The following KIF13A variants were observed in gnomAD, a reference collection of about 807,000 sequenced individuals.
The protein encoded by KIF13A is kinesin family member 13A, also known as kinesin-like protein KIF13A.
Under a neutral mutation model 212.2 loss-of-function variants are expected in KIF13A, and 79 were observed. The ratio of observed to expected loss-of-function variants is 0.37; its 90% CI spans 0.31 to 0.45. KIF13A has a LOEUF of 0.45. Ranked by LOEUF, KIF13A falls within the 20% of genes least tolerant of loss-of-function variation. The pLI is 1.00. For synonymous variants in KIF13A, 789 were observed against 808.6 expected (o/e 0.98, Z 0.41); for missense variants, 1,901 against 2,209.0 (o/e 0.86, Z 2.79).
At chr6:17,858,298 A>T (rs1452150985) in intron 4 of KIF13A, among the ~76,000 whole-genome samples, 1 of 152,238 alleles carries the variant, frequency 6.6e-6, no homozygotes, top group East Asian at 1.9e-4. Flanking sequence ...TGGATTTTTT[A>T]AAATGGGTGT....
chr6:17,951,168 T>G lies in KIF13A; in HGVS notation c.146+35886A>C, dbSNP rs1777813240. On this transcript the variant is annotated intron_variant, in intron 2 of 38. Transcript: ENST00000259711. This position sits in a 1 kb window ranked among gnomAD's most constrained non-coding sequence, Gnocchi z 4.9. ...CTCACGCCACTTTAATTTTTTATTT[T>G]TTTGAAGACAGGGTCTGGCTCTGTC... 8.1e-7 allele frequency: 1 copy of G among 1,238,890 alleles called. No homozygotes were observed. Among genetic ancestry groups the G allele is most frequent in the Non-Finnish European group, 1.0e-6 (1 of 990,384 alleles). 76.7% of individuals were successfully genotyped at this position (1,238,890 alleles called of 1,614,324 possible). A position where few individuals can be genotyped will look rare whatever the true frequency, so the allele number is the denominator to read the frequency against.
chr6:17,885,650 C>A (rs947933684), intron 3 of KIF13A, among the ~76,000 whole-genome samples: 7 of 152,320 alleles, frequency 4.6e-5, no homozygotes, highest in African/African-American at 1.7e-4. Flanking sequence ...CTACAAAGAG[C>A]TAATTCATGC....
Position 17,860,584 on chromosome 6 carries a change from A to T in KIF13A, c.221-4462T>A, listed in dbSNP as rs137872091. On this transcript the variant is annotated intron_variant, in intron 4 of 38. Transcript: ENST00000259711. ...TGCCTGGCACACAATAGGCATCTGT[A>T]TTCACTGAATTATTCCTGTGTTGAT... 3.5e-3 allele frequency among the ~76,000 whole-genome samples: 529 copies of T among 152,214 alleles called. 1 individual carries two copies. The highest frequency in any genetic ancestry group is 0.014 in the Middle Eastern group (4 of 294).
intron 18 of KIF13A, 39 bp downstream of exon 18, chr6:17,808,729 A>ATAT (rs1763187991): frequency 1.3e-6 from 2 of 1,581,808 alleles, no homozygotes; most frequent in Admixed American, 3.5e-5. Flanking sequence ...AATATTTACT[A>ATAT]TTGTGCATCT....
chr6:17,863,587 C>T (rs561486984), intron 4 of KIF13A, among the ~76,000 whole-genome samples: 10 of 151,870 alleles, frequency 6.6e-5, no homozygotes, highest in South Asian at 2.1e-4. Flanking sequence ...GGAAAAAGAA[C>T]GATAAAAAAG....
In KIF13A at chr6:17,964,442, AATATAT is replaced by A. The variant is rs374114406; in HGVS notation, c.146+22606_146+22611del. Among the ~76,000 whole-genome samples, 6 of 151,126 alleles carry A rather than the reference AATATAT, an allele frequency of 4.0e-5. No individual in the cohort carries two copies. The East Asian group carries it at 9.6e-4, about 24-fold the overall frequency. On this transcript the variant is annotated intron_variant, in intron 2 of 38. Transcript: ENST00000259711. ...TGTACTTTATTCTCTATTGCCCTCA[AATATAT>A]ATATATATTTAGAAAGCAAAAATTA...
intron 4 of KIF13A, among the ~76,000 whole-genome samples, chr6:17,860,138 G>C (rs1344165513): frequency 2.0e-5 from 3 of 151,972 alleles, no homozygotes; most frequent in Non-Finnish European, 4.4e-5. Flanking sequence ...TCTCACCTCT[G>C]GTCTCCAGGA....
chr6:17,771,923 A>G lies in KIF13A; in HGVS notation c.4461T>C (p.Pro1487=). ...HKKRIALEAR[P]LLSQESMPPP... ...AAGCATTTACCTCCTGGCTTAGAAG[A>G]GGCCTTGCTTCCAGGGCTATCCTTT... Residue 1487 remains proline, a synonymous_variant, in exon 37 of 39, where the codon CCT becomes CCC. Coordinates refer to ENST00000259711, the MANE Select transcript of KIF13A (RefSeq NM_022113.6). This position sits in a 1 kb window ranked among gnomAD's most constrained non-coding sequence, Gnocchi z 5.4. The G allele has an allele frequency of 1.2e-6, 2 of 1,614,002 alleles. No homozygotes were observed. Among genetic ancestry groups the G allele is most frequent in the South Asian group, 1.1e-5 (1 of 91,086 alleles).
At chr6:17,969,725 A>G (rs544018971) in intron 2 of KIF13A, among the ~76,000 whole-genome samples, 30 of 152,312 alleles carry the variant, frequency 2.0e-4, no homozygotes, top group Admixed American at 7.8e-4. Context: ...CATCCCTTAC[A>G]TGAATATATT....
chr6:17,909,214 A>G (rs1317112375), intron 2 of KIF13A, among the ~76,000 whole-genome samples: 1 of 152,238 alleles, frequency 6.6e-6, no homozygotes, highest in Admixed American at 6.5e-5. Flanking sequence ...GACAGAACTT[A>G]TAAAACAGGG....
intron 2 of KIF13A, among the ~76,000 whole-genome samples, chr6:17,983,580 T>C (rs539808519): frequency 6.7e-6 from 1 of 148,202 alleles, no homozygotes; most frequent in East Asian, 2.2e-4. Context: ...GCAACCTCCA[T>C]CGCCAAGGCT....
chr6:17,821,227 C>T (rs1764404687), intron 16 of KIF13A, among the ~76,000 whole-genome samples: 1 of 152,112 alleles, frequency 6.6e-6, no homozygotes, highest in Non-Finnish European at 1.5e-5. Context: ...TTGTCTGATT[C>T]CTATTTCAAA....
intron 20 of KIF13A, among the ~76,000 whole-genome samples, chr6:17,801,682 A>G (rs1003375220): frequency 7.9e-5 from 12 of 152,150 alleles, no homozygotes; most frequent in Non-Finnish European, 2.9e-5. Flanking sequence ...AGCAAACCAA[A>G]TTGACAAGGT....
intron 2 of KIF13A, chr6:17,950,596 T>A (rs1777763663): frequency 1.0e-6 from 1 of 985,038 alleles, no homozygotes; most frequent in Admixed American, 6.2e-5. Flanking sequence ...AAGCATTATT[T>A]ATCCAACAGC....
In KIF13A at chr6:17,771,670, A is replaced by G; in HGVS notation, c.4476+238T>C. 2.3e-6 allele frequency: 1 copy of G among 427,628 alleles called. No homozygotes were observed. The highest frequency in any genetic ancestry group is 4.2e-6 in the Non-Finnish European group (1 of 240,772). The allele number at this position is 427,628 out of a possible 1,614,324, so 26.5% of individuals were successfully genotyped here. A position where few individuals can be genotyped will look rare whatever the true frequency, so the allele number is the denominator to read the frequency against. Reference sequence around the variant, plus strand: ...AGAAAACATCTTTCTCACTTGAAACATAAAAAAATACTTTGAAAAGCCATA... The same window carrying G: ...AGAAAACATCTTTCTCACTTGAAACGTAAAAAAATACTTTGAAAAGCCATA... On this transcript the variant is annotated intron_variant, in intron 37 of 38. Coordinates refer to ENST00000259711, the MANE Select transcript of KIF13A (RefSeq NM_022113.6). The surrounding 1 kb of genome is among the most constrained non-coding windows in gnomAD (Gnocchi z 5.4).
In KIF13A at chr6:17,915,761, A is replaced by C. The variant is rs1774440259; in HGVS notation, c.147-17581T>G. ...TGGATCACTTGAGTCCAGGAGCTTG[A>C]GACCAGCCTGGGCAACATGACAAAA... is the stretch of plus-strand genomic sequence containing the variant. On this transcript the variant is annotated intron_variant, in intron 2 of 38. Coordinates refer to ENST00000259711, the MANE Select transcript of KIF13A (RefSeq NM_022113.6). The surrounding 1 kb of genome is among the most constrained non-coding windows in gnomAD (Gnocchi z 4.4). Among the ~76,000 whole-genome samples, 1 of 152,082 alleles carries C rather than the reference A, an allele frequency of 6.6e-6. No individual in the cohort carries two copies. The highest frequency in any genetic ancestry group is 1.5e-5 in the Non-Finnish European group (1 of 68,024).
chr6:17,915,576 C>T lies in KIF13A; in HGVS notation c.147-17396G>A, dbSNP rs1774422413. Among the ~76,000 whole-genome samples, 1 of 152,096 alleles carries T rather than the reference C, an allele frequency of 6.6e-6. No homozygotes were observed. The highest frequency in any genetic ancestry group is 2.4e-5 in the African/African-American group (1 of 41,412). ...CTTGAGGACTCTGGGAGCAAGAGAC[C>T]CCCTGACTCAGCAGCCTACTGATTC... On this transcript the variant is annotated intron_variant, in intron 2 of 38. Transcript: ENST00000259711. The surrounding 1 kb of genome is among the most constrained non-coding windows in gnomAD (Gnocchi z 4.4).
rs1313541266 is a variant in KIF13A, at chr6:17,787,641, A to T, written c.3361+135T>A. ...ACTCCAGCTTGGGTGACAGAGTGAGACCCTGTCTTAAAACAACAACAACAA... is the reference window on the plus strand; with the variant it reads ...ACTCCAGCTTGGGTGACAGAGTGAGTCCCTGTCTTAAAACAACAACAACAA... On this transcript the variant is annotated intron_variant, in intron 27 of 38. Coordinates refer to ENST00000259711, the MANE Select transcript of KIF13A (RefSeq NM_022113.6). The surrounding 1 kb of genome is among the most constrained non-coding windows in gnomAD (Gnocchi z 4.6). The T allele has an allele frequency of 4.8e-6, 3 of 627,682 alleles. No individual in the cohort carries two copies. The allele number at this position is 627,682 out of a possible 1,614,324, so 38.9% of individuals were successfully genotyped here.
chr6:17,983,159 C>T (rs372590884), intron 2 of KIF13A, among the ~76,000 whole-genome samples: 84 of 129,654 alleles, frequency 6.5e-4, no homozygotes, highest in African/African-American at 2.2e-3. Flanking sequence ...GGTGACAGTG[C>T]GAGACTCCAT....
Sources: allele counts gnomAD v4.1 joint callset (sites outside exome capture counted in the v4.1 genomes callset), GRCh38; gene constraint gnomAD v4.1.1; non-coding constraint Gnocchi (gnomAD v3.1); transcripts MANE v1.5; gene names NCBI Gene and HGNC (gene_info 2026-07-23, HGNC 2026-07-21).